COL4A5: variants seen among roughly 807,000 people sequenced by gnomAD.
The protein encoded by COL4A5 is collagen alpha-5(IV) chain.
In COL4A5, 26 loss-of-function variants were observed where a neutral mutation model predicts 130.2. That is an observed-to-expected ratio of 0.20 (90% CI 0.15 to 0.28). The LOEUF (loss-of-function observed/expected upper bound fraction) is 0.28. Ranked by LOEUF, COL4A5 falls within the 10% of genes least tolerant of loss-of-function variation. COL4A5 has a pLI of 1.00. For missense variants in COL4A5, 1,131 were observed against 1,344.3 expected (o/e 0.84, Z 2.48); for synonymous variants, 496 against 439.6 (o/e 1.13, Z -1.60).
rs766818783 is a variant in COL4A5, at chrX:108,622,358, C to T, written c.2768-318C>T. ...ATGTTAGCAAGGATGGTCTCGATCT[C>T]CTGACCTCGTGATCTGCCCACCTCA... On this transcript the variant is annotated intron_variant, in intron 32 of 52. Transcript: ENST00000328300. Among the ~76,000 whole-genome samples the T allele has an allele frequency of 1.9e-4, 21 of 111,406 alleles. No individual in the cohort carries two copies. In the Admixed American group the frequency reaches 1.9e-3, roughly 10 times the overall value.
chrX:108,482,837 A>G (rs1046500560), intron 1 of COL4A5, among the ~76,000 whole-genome samples: 3 of 111,524 alleles, frequency 2.7e-5, no homozygotes, highest in Non-Finnish European at 5.7e-5. Context: ...ATTTTCTTTC[A>G]TCACTTTGTC....
intron 49 of COL4A5, chrX:108,689,893 C>G (rs2068617725): frequency 4.0e-6 from 3 of 754,450 alleles, no homozygotes; most frequent in Non-Finnish European, 4.7e-6. Context: ...GGATCACTCT[C>G]TCTTCGAAAA....
intron 1 of COL4A5, among the ~76,000 whole-genome samples, chrX:108,495,444 TAGA>T (rs1468426516): frequency 9.0e-6 from 1 of 111,243 alleles, no homozygotes; most frequent in Non-Finnish European, 1.9e-5. Context: ...ACATATCCAG[TAGA>T]AGATTATTAT....
chrX:108,536,086 C>A (rs1050837074), intron 1 of COL4A5, among the ~76,000 whole-genome samples: 1 of 111,340 alleles, frequency 9.0e-6, no homozygotes, highest in Non-Finnish European at 1.9e-5. Context: ...CTTTAGGTGA[C>A]CCTAATTCAT....
intron 36 of COL4A5, among the ~76,000 whole-genome samples, chrX:108,632,487 G>T (rs746449710): frequency 9.0e-6 from 1 of 110,825 alleles, no homozygotes; most frequent in Non-Finnish European, 1.9e-5. Context: ...TTATGAGGCC[G>T]GCATCATCCT....
At chrX:108,485,075 C>A (rs188028133) in intron 1 of COL4A5, among the ~76,000 whole-genome samples, 1 of 111,592 alleles carries the variant, frequency 9.0e-6, no homozygotes, top group Admixed American at 9.4e-5. Flanking sequence ...ACCTCATGGT[C>A]ACCACCACCA....
rs1196880080 is a variant in COL4A5, at chrX:108,595,522, C to T, written c.1437C>T (p.Asp479=). The T allele has an allele frequency of 8.3e-7, 1 of 1,210,416 alleles. No homozygotes were observed. Among genetic ancestry groups the T allele is most frequent in the Non-Finnish European group, 1.1e-6 (1 of 895,116 alleles). The part of the protein sequence containing the change: ...GEQGVKGDKG[D]TCFNCIGTGI... Reference sequence around the variant, plus strand: ...TGATTTCACTAGGTGACAAAGGTGACACTTGCTTCAACTGCATTGGAACTG... The same window carrying T: ...TGATTTCACTAGGTGACAAAGGTGATACTTGCTTCAACTGCATTGGAACTG... Residue 479 remains aspartate, a synonymous_variant, in exon 22 of 53, where the codon GAC becomes GAT. Transcript: ENST00000328300.
chrX:108,655,252 C>T (rs2067814856), intron 36 of COL4A5, 79 bp from the exon 37 acceptor site: 2 of 1,106,034 alleles, frequency 1.8e-6, no homozygotes, highest in Admixed American at 4.4e-5. Context: ...ATAATAAAAG[C>T]TCTATAAATA....
chrX:108,578,227 T>C (rs2066186621), intron 12 of COL4A5, 64 bp from the exon 13 acceptor site: 1 of 1,113,411 alleles, frequency 9.0e-7, no homozygotes, highest in Non-Finnish European at 1.2e-6. Context: ...TTATCTTACA[T>C]GTTATATTAC....
At chrX:108,458,362 C>G (rs1048423449) in intron 1 of COL4A5, among the ~76,000 whole-genome samples, 3 of 111,527 alleles carry the variant, frequency 2.7e-5, no homozygotes, top group African/African-American at 9.8e-5. Context: ...GTTTTGTATT[C>G]TAGTCTGTTT....
intron 2 of COL4A5, among the ~76,000 whole-genome samples, chrX:108,547,837 A>C (rs1603272309): frequency 9.0e-6 from 1 of 111,321 alleles, no homozygotes; most frequent in Non-Finnish European, 1.9e-5. Flanking sequence ...CCTTGCTGCC[A>C]CCTTGCAGTT....
At chrX:108,469,931 C>T (rs1439841841) in intron 1 of COL4A5, among the ~76,000 whole-genome samples, 1 of 111,691 alleles carries the variant, frequency 9.0e-6, no homozygotes, top group Non-Finnish European at 1.9e-5. Flanking sequence ...TAATGGCCTC[C>T]AGCTGCATCC....
chrX:108,684,797 C>CA (rs1317319567), intron 47 of COL4A5, among the ~76,000 whole-genome samples: 1 of 111,896 alleles, frequency 8.9e-6, no homozygotes, highest in Non-Finnish European at 1.9e-5. Context: ...AGAGACACAA[C>CA]AAAAAAAGAA....
intron 49 of COL4A5, 88 bp from the exon 50 acceptor site, chrX:108,692,660 C>G (rs2068654515): frequency 3.0e-5 from 27 of 895,064 alleles, no homozygotes; most frequent in Non-Finnish European, 3.9e-5. Flanking sequence ...GGCAAGTTTC[C>G]TTGAAAGGCT....
intron 2 of COL4A5, among the ~76,000 whole-genome samples, chrX:108,546,547 T>C (rs1005580874): frequency 8.9e-6 from 1 of 111,798 alleles, no homozygotes; most frequent in South Asian, 3.7e-4. Context: ...TAGCTTTTTT[T>C]CCTTCATTTC....
At chrX:108,448,135 C>A (rs1438703451) in intron 1 of COL4A5, among the ~76,000 whole-genome samples, 1 of 112,171 alleles carries the variant, frequency 8.9e-6, no homozygotes, top group Non-Finnish European at 1.9e-5. Flanking sequence ...AAATGGGAAC[C>A]TTAAATCCCT....
chrX:108,584,549 C>T (rs762015078), intron 18 of COL4A5, 24 bp downstream of exon 18: 9 of 1,169,389 alleles, frequency 7.7e-6, no homozygotes, highest in African/African-American at 1.8e-5. Flanking sequence ...TTTTAGTCTT[C>T]GTTTATCAAA....
At chrX:108,502,634 AT>A (rs776281453) in intron 1 of COL4A5, among the ~76,000 whole-genome samples, 4 of 111,310 alleles carry the variant, frequency 3.6e-5, no homozygotes, top group Non-Finnish European at 7.5e-5. Context: ...AATTTAAAAC[AT>A]TTTTTTTCAT....
chrX:108,630,002 G>T (rs779973086), intron 36 of COL4A5, among the ~76,000 whole-genome samples: 1 of 111,555 alleles, frequency 9.0e-6, no homozygotes, highest in South Asian at 3.7e-4. Flanking sequence ...CTTTTTTATG[G>T]CTGCATAGTA....
Sources: allele counts gnomAD v4.1 joint callset (sites outside exome capture counted in the v4.1 genomes callset), GRCh38; gene constraint gnomAD v4.1.1; transcripts MANE v1.5; gene names NCBI Gene and HGNC (gene_info 2026-07-23, HGNC 2026-07-21).